The following ADIPOR2 variants were observed in gnomAD, a reference collection of about 807,000 sequenced individuals.
ADIPOR2 encodes the protein adiponectin receptor 2.
A neutral mutation model predicts 40.9 loss-of-function variants in ADIPOR2; 18 were observed. The observed-to-expected ratio is 0.44, with a 90% CI of 0.30 to 0.65. The LOEUF (loss-of-function observed/expected upper bound fraction) is 0.65, where lower values mean the gene tolerates loss of function less well. Among genes scored for constraint, ADIPOR2 ranks in the 30% least tolerant of loss-of-function variants. ADIPOR2 has a pLI of 0.09. For synonymous variants in ADIPOR2, 165 were observed against 166.4 expected (o/e 0.99, Z 0.06); for missense variants, 283 against 479.2 (o/e 0.59, Z 3.82).
chr12:1,698,920 T>C (rs1030937557), intron 1 of ADIPOR2, among the ~76,000 whole-genome samples: 1 of 152,208 alleles, frequency 6.6e-6, no homozygotes, highest in Non-Finnish European at 1.5e-5. Flanking sequence ...TTGCAGTATA[T>C]TCTATCTAAC....
chr12:1,743,765 A>T (rs1452879543), intron 1 of ADIPOR2, among the ~76,000 whole-genome samples: 1 of 152,180 alleles, frequency 6.6e-6, no homozygotes, highest in East Asian at 1.9e-4. Flanking sequence ...CTTATTGTTG[A>T]TTTCTATCTG....
intron 1 of ADIPOR2, among the ~76,000 whole-genome samples, chr12:1,750,720 TA>T (rs2094767332): frequency 6.6e-6 from 1 of 152,200 alleles, no homozygotes; most frequent in African/African-American, 2.4e-5. Context: ...GATGTATTCT[TA>T]TTTCATAATG....
In ADIPOR2 at chr12:1,786,016, C is replaced by T. The variant is rs1440812837; in HGVS notation, c.1105C>T (p.Leu369Phe). 6.2e-7 allele frequency: 1 copy of T among 1,614,070 alleles called. No individual in the cohort carries two copies. The highest frequency in any genetic ancestry group is 1.1e-5 in the South Asian group (1 of 91,076). The stretch of plus-strand genomic sequence containing the variant: ...TGTTCACTTCCATGGTGTCTCAAAC[C>T]TCCAGGAGTTTCGTTTCATGATCGG... Reference protein sequence around the residue: ...AFVHFHGVSNLQEFRFMIGGG... With the variant: ...AFVHFHGVSNFQEFRFMIGGG... Residue 369 changes from leucine to phenylalanine, a missense_variant, in exon 8 of 8, where the codon CTC (leucine) becomes TTC (phenylalanine). Leu to Phe is a conservative substitution (Grantham distance 22). Transcript: ENST00000357103.
chr12:1,711,088 A>G (rs973248560), intron 1 of ADIPOR2, among the ~76,000 whole-genome samples: 1 of 152,092 alleles, frequency 6.6e-6, no homozygotes, highest in Admixed American at 6.5e-5. Context: ...TGGTTAGTGT[A>G]AAAGCAACAT....
rs1294020339 is a variant in ADIPOR2, at chr12:1,786,895, G to C, written c.*823G>C. On this transcript the variant is annotated 3_prime_UTR_variant, in exon 8 of 8. Coordinates refer to ENST00000357103, the MANE Select transcript of ADIPOR2 (RefSeq NM_024551.3). ...CACATGAGTGGGTGACAGGATGTTA[G>C]ATAAAGGCTCTAGTTAGGGTGTCAT... 1.3e-5 allele frequency: 2 copies of C among 152,230 alleles called. No individual in the cohort carries two copies. The highest frequency in any genetic ancestry group is 3.9e-4 in the East Asian group (2 of 5,194). The allele number at this position is 152,230 out of a possible 1,614,324, so 9.4% of individuals were successfully genotyped here. A position where few individuals can be genotyped will look rare whatever the true frequency, so the allele number is the denominator to read the frequency against.
At chr12:1,732,031 G>A (rs1219109686) in intron 1 of ADIPOR2, among the ~76,000 whole-genome samples, 1 of 151,292 alleles carries the variant, frequency 6.6e-6, no homozygotes, top group Non-Finnish European at 1.5e-5. Context: ...CTTTTTTTGA[G>A]CATTTTTATG....
chr12:1,764,588 C>CACACACACACACAT lies in ADIPOR2; in HGVS notation c.172-8252_172-8251insACACACACACATAC, dbSNP rs1555170937. On this transcript the variant is annotated intron_variant, in intron 2 of 7. Coordinates refer to ENST00000357103, the MANE Select transcript of ADIPOR2 (RefSeq NM_024551.3). ...ACACACACACACACACACACACACA[C>CACACACACACACAT]ACGTAGATATATTGTAAGTGGATAG... Among the ~76,000 whole-genome samples, 78 of 140,024 alleles carry CACACACACACACAT rather than the reference C, an allele frequency of 5.6e-4. 2 individuals carry two copies. The highest frequency in any genetic ancestry group is 1.8e-3 in the African/African-American group (73 of 39,972). The allele number at this position is 140,024 out of a possible 152,430, so 91.9% of individuals were successfully genotyped here. A position where few individuals can be genotyped will look rare whatever the true frequency, so the allele number is the denominator to read the frequency against.
chr12:1,788,264 G>A lies in ADIPOR2; in HGVS notation c.*2192G>A, dbSNP rs1441226323. The A allele has an allele frequency of 6.6e-6, 1 of 152,628 alleles. No individual in the cohort carries two copies. The highest frequency in any genetic ancestry group is 1.5e-5 in the Non-Finnish European group (1 of 68,024). The allele number at this position is 152,628 out of a possible 1,614,324, so 9.5% of individuals were successfully genotyped here. ...CCAGTAAAATCTCCCTTTTTCGGGTGTGTATGTGGGCATGTGCCCATTTCT... is the reference window on the plus strand; with the variant it reads ...CCAGTAAAATCTCCCTTTTTCGGGTATGTATGTGGGCATGTGCCCATTTCT... On this transcript the variant is annotated 3_prime_UTR_variant, in exon 8 of 8. Coordinates refer to ENST00000357103, the MANE Select transcript of ADIPOR2 (RefSeq NM_024551.3).
intron 3 of ADIPOR2, among the ~76,000 whole-genome samples, chr12:1,774,123 TA>T (rs772972351): frequency 2.0e-5 from 3 of 152,368 alleles, no homozygotes. Context: ...ATTTTGTTTT[TA>T]AAATGCAAAT....
At chr12:1,785,923 C>A in intron 7 of ADIPOR2, 21 bp from the exon 8 acceptor site, 1 of 1,613,394 alleles carries the variant, frequency 6.2e-7, no homozygotes, top group African/African-American at 1.3e-5. Context: ...CTACCCCCTT[C>A]TCTTCTTTTT....
intron 3 of ADIPOR2, among the ~76,000 whole-genome samples, chr12:1,776,845 T>A (rs1432593422): frequency 6.6e-6 from 1 of 152,238 alleles, no homozygotes; most frequent in East Asian, 1.9e-4. Flanking sequence ...TTTGAGTAGA[T>A]GCCAGGGATT....
At chr12:1,732,160 T>C (rs1170066727) in intron 1 of ADIPOR2, among the ~76,000 whole-genome samples, 4 of 152,224 alleles carry the variant, frequency 2.6e-5, no homozygotes, top group Non-Finnish European at 5.9e-5. Context: ...GTTTATGAAC[T>C]GATGTTAATA....
In ADIPOR2 at chr12:1,698,555, G is replaced by A. The variant is rs550597694; in HGVS notation, c.-87+7364G>A. On this transcript the variant is annotated intron_variant, in intron 1 of 7. Coordinates refer to ENST00000357103, the MANE Select transcript of ADIPOR2 (RefSeq NM_024551.3). ...TGTGTTTTTAAAATTAATATTTGTG[G>A]CTTACTTTACATCTGCATCTACTCT... Among the ~76,000 whole-genome samples, 3 of 152,070 alleles carry A rather than the reference G, an allele frequency of 2.0e-5. No individual in the cohort carries two copies. In the East Asian group the frequency reaches 5.8e-4, roughly 29 times the overall value.
intron 1 of ADIPOR2, among the ~76,000 whole-genome samples, chr12:1,751,523 A>G (rs1158281194): frequency 6.6e-6 from 1 of 151,928 alleles, no homozygotes; most frequent in Non-Finnish European, 1.5e-5. Context: ...CTTTTTTATT[A>G]CGAGATGGGG....
chr12:1,742,723 AC>A (rs2094745684), intron 1 of ADIPOR2, among the ~76,000 whole-genome samples: 1 of 152,176 alleles, frequency 6.6e-6, no homozygotes, highest in African/African-American at 2.4e-5. Flanking sequence ...GTAAATAGTT[AC>A]TATACTGTAT....
rs76667618 is a variant in ADIPOR2 at position 1,755,439 on chromosome 12, A to G, written c.171+925A>G. Among the ~76,000 whole-genome samples the G allele has an allele frequency of 8.5e-4, 129 of 152,334 alleles. 3 individuals carry two copies. In the East Asian group the frequency reaches 0.021, roughly 25 times the overall value. On this transcript the variant is annotated intron_variant, in intron 2 of 7. Transcript: ENST00000357103. ...TTGTTGAAGGGAGAAGACGTGGTCT[A>G]TGGGTACCATATAATCTAATTTAAC...
At chr12:1,735,036 C>T (rs2094727583) in intron 1 of ADIPOR2, among the ~76,000 whole-genome samples, 1 of 152,092 alleles carries the variant, frequency 6.6e-6, no homozygotes, top group South Asian at 2.1e-4. Flanking sequence ...CGTGATGCCT[C>T]CAGCTTTGTT....
intron 2 of ADIPOR2, among the ~76,000 whole-genome samples, chr12:1,765,486 A>G (rs999467777): frequency 6.6e-6 from 1 of 152,166 alleles, no homozygotes; most frequent in East Asian, 1.9e-4. Flanking sequence ...CATTTCAGAA[A>G]ATTGTTATGA....
In ADIPOR2 at chr12:1,692,449, C is replaced by T. The variant is rs533117655; in HGVS notation, c.-87+1258C>T. Reference sequence around the variant, plus strand: ...GTAAAGATTTCCACACATGTGGCAGCTGCTTGTTGGTGAATTATGAAATTT... The same window carrying T: ...GTAAAGATTTCCACACATGTGGCAGTTGCTTGTTGGTGAATTATGAAATTT... On this transcript the variant is annotated intron_variant, in intron 1 of 7. Transcript: ENST00000357103. Among the ~76,000 whole-genome samples the T allele has an allele frequency of 3.3e-5, 5 of 152,290 alleles. No individual in the cohort carries two copies. In the South Asian group the frequency reaches 1.0e-3, roughly 32 times the overall value.
Sources: gnomAD v4.1 joint callset for allele counts (sites outside exome capture counted in the v4.1 genomes callset) on GRCh38, gnomAD v4.1.1 for gene constraint, MANE v1.5 for transcripts, NCBI Gene and HGNC (gene_info 2026-07-23, HGNC 2026-07-21) for gene names.